The following FBXL7 variants were observed in gnomAD, a reference collection of about 807,000 sequenced individuals.
The protein encoded by FBXL7 is F-box and leucine rich repeat protein 7, also known as F-box/LRR-repeat protein 7.
FBXL7 carries 12 observed loss-of-function variants against 38.3 expected under a neutral mutation model. The observed-to-expected ratio is 0.31, with a 90% CI of 0.20 to 0.51. The LOEUF (loss-of-function observed/expected upper bound fraction) is 0.51, where lower values mean the gene tolerates loss of function less well. Among genes scored for constraint, FBXL7 ranks in the 20% least tolerant of loss-of-function variants. The probability of loss-of-function intolerance (pLI) is 0.98; values close to 1 mark genes in which losing one functional copy is unlikely to be tolerated. For missense variants in FBXL7, 567 were observed against 676.4 expected, an observed-to-expected ratio of 0.84 and a Z score of 1.79; for synonymous variants, 297 against 300.9, an observed-to-expected ratio of 0.99 and a Z score of 0.13.
At chr5:15,719,895 T>A (rs1382954589) in intron 2 of FBXL7, among the ~76,000 whole-genome samples, 1 of 148,694 alleles carries the variant, frequency 6.7e-6, no homozygotes, top group Non-Finnish European at 1.5e-5. Context: ...GAAAGACATT[T>A]GGAAGTAATA....
At chr5:15,933,797 G>T (rs554480198) in intron 3 of FBXL7, among the ~76,000 whole-genome samples, 1 of 152,272 alleles carries the variant, frequency 6.6e-6, no homozygotes, top group East Asian at 1.9e-4. Context: ...TTGTGAGGCT[G>T]CTGGGAAGCC....
In FBXL7 at chr5:15,928,030, T is replaced by G. The variant is rs1741931899; in HGVS notation, c.268T>G (p.Ser90Ala). Reference sequence around the variant, plus strand: ...CGGGGAGACGGTGGCCATGGTGCACTCCCCGCCCCCGACCCGCCTCACACA... The same window carrying G: ...CGGGGAGACGGTGGCCATGGTGCACGCCCCGCCCCCGACCCGCCTCACACA... ...ITGETVAMVH[S>A]PPPTRLTHPL... is the part of the protein sequence containing the mutation. Residue 90 changes from serine to alanine, a missense_variant, in exon 3 of 4, where the codon TCC (serine) becomes GCC (alanine). Physicochemically the swap from Ser to Ala is moderately conservative, Grantham distance 99. Transcript: ENST00000504595. The surrounding 1 kb of genome is among the most constrained non-coding windows in gnomAD (Gnocchi z 4.0). 5.5e-5 allele frequency: 38 copies of G among 697,208 alleles called. No homozygotes were observed. Among genetic ancestry groups the G allele is most frequent in the East Asian group, 2.0e-4 (4 of 20,334 alleles). 43.2% of individuals were successfully genotyped at this position (697,208 alleles called of 1,614,324 possible).
chr5:15,792,144 A>C (rs908340715), intron 2 of FBXL7, among the ~76,000 whole-genome samples: 1 of 152,190 alleles, frequency 6.6e-6, no homozygotes, highest in African/African-American at 2.4e-5. Context: ...GAAAAATAAC[A>C]GGGAAATGGT....
intron 1 of FBXL7, among the ~76,000 whole-genome samples, chr5:15,516,771 G>A (rs2126365985): frequency 6.6e-6 from 1 of 152,258 alleles, no homozygotes; most frequent in Non-Finnish European, 1.5e-5. Flanking sequence ...CACGAGATCT[G>A]ACGGTTTTAT....
At chr5:15,759,283 T>G (rs1039415380) in intron 2 of FBXL7, among the ~76,000 whole-genome samples, 2 of 152,208 alleles carry the variant, frequency 1.3e-5, no homozygotes, top group Non-Finnish European at 2.9e-5. Flanking sequence ...GTAAATAGTA[T>G]GGAATCCACA....
At chr5:15,812,845 A>G (rs1022713972) in intron 2 of FBXL7, among the ~76,000 whole-genome samples, 9 of 152,114 alleles carry the variant, frequency 5.9e-5, no homozygotes, top group African/African-American at 1.9e-4. Flanking sequence ...GAGGTCCTTC[A>G]CATCCTTGTA....
chr5:15,800,451 C>G (rs1579473501), intron 2 of FBXL7, among the ~76,000 whole-genome samples: 1 of 152,246 alleles, frequency 6.6e-6, no homozygotes, highest in Non-Finnish European at 1.5e-5. Context: ...ACAGACAGGC[C>G]TAGGCTTAGG....
At chr5:15,856,719 C>T (rs963668101) in intron 2 of FBXL7, among the ~76,000 whole-genome samples, 2 of 151,796 alleles carry the variant, frequency 1.3e-5, no homozygotes, top group African/African-American at 4.8e-5. Flanking sequence ...CTTTCATTCA[C>T]TTTTCCTTCC....
chr5:15,630,357 G>C (rs1288861842), intron 2 of FBXL7, among the ~76,000 whole-genome samples: 1 of 152,054 alleles, frequency 6.6e-6, no homozygotes, highest in African/African-American at 2.4e-5. Context: ...TTCTTCATCT[G>C]CTGATATCTC....
intron 1 of FBXL7, among the ~76,000 whole-genome samples, chr5:15,538,048 A>C (rs1173917575): frequency 6.6e-6 from 1 of 152,216 alleles, no homozygotes; most frequent in Non-Finnish European, 1.5e-5. Context: ...TACCAGTCAA[A>C]TCAGATCTCT....
intron 2 of FBXL7, among the ~76,000 whole-genome samples, chr5:15,809,596 A>G (rs1018277187): frequency 3.9e-5 from 6 of 152,198 alleles, no homozygotes; most frequent in Non-Finnish European, 8.8e-5. Context: ...CGTTATTAAA[A>G]TAATCATTCG....
At chr5:15,923,851 C>G (rs1024687246) in intron 2 of FBXL7, among the ~76,000 whole-genome samples, 5 of 152,062 alleles carry the variant, frequency 3.3e-5, no homozygotes, top group Middle Eastern at 3.4e-3. Flanking sequence ...CACCCTCCCC[C>G]CTCCGCCCCC....
chr5:15,828,264 G>A (rs2126770952), intron 2 of FBXL7, among the ~76,000 whole-genome samples: 1 of 152,310 alleles, frequency 6.6e-6, no homozygotes, highest in South Asian at 2.1e-4. Flanking sequence ...GATTGAGTTA[G>A]AATTGCCAGA....
chr5:15,854,672 C>T (rs1317905638), intron 2 of FBXL7, among the ~76,000 whole-genome samples: 1 of 152,186 alleles, frequency 6.6e-6, no homozygotes, highest in African/African-American at 2.4e-5. Flanking sequence ...CTCACGCACT[C>T]TCCCACCTGT....
intron 2 of FBXL7, among the ~76,000 whole-genome samples, chr5:15,905,882 A>G (rs1433932992): frequency 6.8e-6 from 1 of 147,010 alleles, no homozygotes; most frequent in Non-Finnish European, 1.5e-5. Context: ...CCCCAACCCC[A>G]CCCATGTCAC....
At chr5:15,734,297 G>T (rs1402077332) in intron 2 of FBXL7, among the ~76,000 whole-genome samples, 1 of 152,146 alleles carries the variant, frequency 6.6e-6, no homozygotes, top group African/African-American at 2.4e-5. Flanking sequence ...GATGCTGTAC[G>T]CCGTCTCTTC....
At chr5:15,688,999 G>C (rs1188933948) in intron 2 of FBXL7, among the ~76,000 whole-genome samples, 4 of 151,472 alleles carry the variant, frequency 2.6e-5, no homozygotes, top group Admixed American at 1.3e-4. Flanking sequence ...ACCAAAGACA[G>C]AGCCAGTGAA....
At chr5:15,680,716 TG>T in intron 2 of FBXL7, among the ~76,000 whole-genome samples, 1 of 152,300 alleles carries the variant, frequency 6.6e-6, no homozygotes, top group Middle Eastern at 3.4e-3. Flanking sequence ...TGACTCCAAA[TG>T]TGTGAATTTC....
chr5:15,506,432 A>C (rs748026714), intron 1 of FBXL7, among the ~76,000 whole-genome samples: 3 of 152,200 alleles, frequency 2.0e-5, no homozygotes, highest in Non-Finnish European at 4.4e-5. Context: ...GGAAATGTTT[A>C]TTTACTATTT....
Sources: allele counts gnomAD v4.1 joint callset (sites outside exome capture counted in the v4.1 genomes callset), GRCh38; gene constraint gnomAD v4.1.1; non-coding constraint Gnocchi (gnomAD v3.1); transcripts MANE v1.5; gene names NCBI Gene and HGNC (gene_info 2026-07-23, HGNC 2026-07-21).